Variants in STARD9 observed in about 807,000 individuals in gnomAD.
The protein encoded by STARD9 is stAR-related lipid transfer protein 9.
A neutral mutation model predicts 399.8 loss-of-function variants in STARD9; 346 were observed. The ratio of observed to expected loss-of-function variants is 0.87; its 90% CI spans 0.79 to 0.95. The LOEUF (loss-of-function observed/expected upper bound fraction) is 0.95. Among genes scored for constraint, STARD9 ranks in the 40% least tolerant of loss-of-function variants. STARD9 has a pLI of 0.00. For missense variants in STARD9, 5,832 were observed against 5,667.5 expected (o/e 1.03, Z -0.93); for synonymous variants, 2,203 against 2,143.5 (o/e 1.03, Z -0.77).
Position 42,693,682 on chromosome 15 carries a change from A to G in STARD9, c.12104A>G (p.Lys4035Arg), listed in dbSNP as rs1173175946. Residue 4035 changes from lysine (K) to arginine (R), a missense_variant, in exon 23 of 33, where the codon AAG (lysine) becomes AGG (arginine). Lys to Arg is a conservative substitution (Grantham distance 26). Around this residue, in one of 2 missense-constraint regions of STARD9, gnomAD observed 5,828 missense variants for 5,651.1 expected, o/e 1.03. Coordinates refer to ENST00000290607, the MANE Select transcript of STARD9 (RefSeq NM_020759.3). ...QRLGNSFVPE[K>R]VASPEHCPLS... ...CTGGGCAACAGCTTTGTGCCTGAGA[A>G]GGTGGCTTCCCCGGAGCATTGCCCA... The G allele has an allele frequency of 2.0e-6, 3 of 1,537,102 alleles. No homozygotes were observed. The highest frequency in any genetic ancestry group is 2.0e-5 in the Admixed American group (1 of 50,988).
At chr15:42,585,266 C>G (rs2058252478) in intron 2 of STARD9, among the ~76,000 whole-genome samples, 1 of 152,186 alleles carries the variant, frequency 6.6e-6, no homozygotes, top group Non-Finnish European at 1.5e-5. Flanking sequence ...CTCTCCCAAG[C>G]TTTACCACAT....
Position 42,687,271 on chromosome 15 carries a change from C to A in STARD9, c.5693C>A (p.Ser1898Tyr). The A allele has an allele frequency of 6.5e-7, 1 of 1,536,810 alleles. No individual in the cohort carries two copies. Among genetic ancestry groups the A allele is most frequent in the East Asian group, 2.4e-5 (1 of 40,920 alleles). ...EVTAQSCCGA[S>Y]SDSTESGKSL... Reference sequence around the variant, plus strand: ...ACTGCTCAGTCCTGTTGCGGTGCTTCCTCAGACAGCACTGAGTCTGGGAAG... The same window carrying A: ...ACTGCTCAGTCCTGTTGCGGTGCTTACTCAGACAGCACTGAGTCTGGGAAG... The change falls in exon 23 of 33, where the codon TCC (serine) becomes TAC (tyrosine). Residue 1898 changes from serine to tyrosine, a missense_variant. By Grantham distance (144) the Ser-to-Tyr change is moderately radical. This residue lies in a region of STARD9 where 5,828 missense variants were observed against 5,651.1 expected (regional missense o/e 1.03). Coordinates refer to ENST00000290607, the MANE Select transcript of STARD9 (RefSeq NM_020759.3).
rs2060743658 is a variant in STARD9 at position 42,692,795 on chromosome 15, C to G, written c.11217C>G (p.Asp3739Glu). The change falls in exon 23 of 33, where the codon GAC (aspartate) becomes GAG (glutamate). Residue 3739 changes from aspartate to glutamate, a missense_variant. Asp to Glu is a conservative substitution (Grantham distance 45). This residue lies in a region of STARD9 where 5,828 missense variants were observed against 5,651.1 expected (regional missense o/e 1.03). Coordinates refer to ENST00000290607, the MANE Select transcript of STARD9 (RefSeq NM_020759.3). ...CTGTGGATGAGGGCAGCCAGACTGACCTCACCTTACCCACCCTGTGCCTCC... is the reference window on the plus strand; with the variant it reads ...CTGTGGATGAGGGCAGCCAGACTGAGCTCACCTTACCCACCCTGTGCCTCC... ...QTTVDEGSQT[D>E]LTLPTLCLQT... The G allele has an allele frequency of 2.0e-6, 3 of 1,537,078 alleles. No individual in the cohort carries two copies. The highest frequency in any genetic ancestry group is 2.6e-6 in the Non-Finnish European group (3 of 1,146,914).
At chr15:42,668,999 T>C (rs988859241) in intron 15 of STARD9, among the ~76,000 whole-genome samples, 159 bp from the exon 16 acceptor site, 1 of 152,106 alleles carries the variant, frequency 6.6e-6, no homozygotes, top group Non-Finnish European at 1.5e-5. Context: ...CAGCTTGCAG[T>C]TGGAGGAGGT....
Position 42,663,336 on chromosome 15 carries a change from T to C in STARD9, c.924T>C (p.Asn308=). The C allele has an allele frequency of 6.5e-7, 1 of 1,537,328 alleles. No homozygotes were observed. The highest frequency in any genetic ancestry group is 1.2e-5 in the South Asian group (1 of 84,062). The part of the protein sequence containing the change: ...SCQSLNSSVS[N]GGDSGILSSP... ...AGAGCCTCAACAGCTCAGTCAGCAATGGTGGTGACAGTGGGATCCTTAGCT... is the reference window on the plus strand; with the variant it reads ...AGAGCCTCAACAGCTCAGTCAGCAACGGTGGTGACAGTGGGATCCTTAGCT... Residue 308 remains asparagine, a synonymous_variant, in exon 12 of 33, where the codon AAT becomes AAC. Transcript: ENST00000290607.
chr15:42,648,518 G>T (rs2059690673), intron 7 of STARD9, among the ~76,000 whole-genome samples: 2 of 152,248 alleles, frequency 1.3e-5, no homozygotes, highest in South Asian at 2.1e-4. Context: ...TAAATTGATG[G>T]TTATTTTCTT....
rs768679642 is a variant in STARD9 at position 42,694,039 on chromosome 15, G to A, written c.12461G>A (p.Gly4154Glu). The A allele has an allele frequency of 1.4e-5, 21 of 1,534,974 alleles. 1 individual carries two copies. The South Asian group carries it at 2.5e-4, about 18-fold the overall frequency. ...TGTGGGGTTCAGAAGGGCTCACCTG[G>A]GGGGTTGGACATGACTGAGGAGGAG... is the stretch of plus-strand genomic sequence containing the variant. ...NWCGVQKGSP[G>E]GLDMTEEELG... Residue 4154 changes from glycine (G) to glutamate (E), a missense_variant, in exon 23 of 33, where the codon GGG becomes GAG. Physicochemically the swap from Gly to Glu is moderately conservative, Grantham distance 98. Around this residue, in one of 2 missense-constraint regions of STARD9, gnomAD observed 5,828 missense variants for 5,651.1 expected, o/e 1.03. Coordinates refer to ENST00000290607, the MANE Select transcript of STARD9 (RefSeq NM_020759.3).
Position 42,685,639 on chromosome 15 carries a change from T to A in STARD9, c.4061T>A (p.Val1354Glu). The A allele has an allele frequency of 6.5e-7, 1 of 1,537,220 alleles. No homozygotes were observed. The highest frequency in any genetic ancestry group is 8.7e-7 in the Non-Finnish European group (1 of 1,146,928). The change falls in exon 23 of 33, where the codon GTG becomes GAG. Residue 1354 changes from valine (V) to glutamate (E), a missense_variant. Val to Glu is a moderately radical substitution (Grantham distance 121). Around this residue, in one of 2 missense-constraint regions of STARD9, gnomAD observed 5,828 missense variants for 5,651.1 expected, o/e 1.03. Coordinates refer to ENST00000290607, the MANE Select transcript of STARD9 (RefSeq NM_020759.3). ...KINPSSPPGI[V>E]GSLCPSPDMQ... ...AACCCCAGCAGCCCCCCAGGAATAG[T>A]GGGTTCTTTATGTCCAAGTCCTGAT...
chr15:42,614,198 T>C (rs553651814), intron 3 of STARD9, among the ~76,000 whole-genome samples: 6 of 148,778 alleles, frequency 4.0e-5, no homozygotes, highest in African/African-American at 1.2e-4. Flanking sequence ...GTACTCCCAA[T>C]TACTTGGGAG....
At chr15:42,590,535 A>G (rs1313047441) in intron 3 of STARD9, among the ~76,000 whole-genome samples, 1 of 152,204 alleles carries the variant, frequency 6.6e-6, no homozygotes, top group Non-Finnish European at 1.5e-5. Flanking sequence ...ATTCAGAGGT[A>G]GATGTTGACA....
intron 3 of STARD9, among the ~76,000 whole-genome samples, chr15:42,599,488 T>C (rs1391431904): frequency 6.6e-6 from 1 of 152,224 alleles, no homozygotes; most frequent in Non-Finnish European, 1.5e-5. Context: ...CTCCAGTTTC[T>C]ATCGTACAAA....
At chr15:42,626,318 T>TTCTTCCTCCTCTTCC (rs1566884670) in intron 3 of STARD9, among the ~76,000 whole-genome samples, 2 of 145,482 alleles carry the variant, frequency 1.4e-5, no homozygotes, top group Admixed American at 6.7e-5. Flanking sequence ...CCTCTTCCTC[T>TTCTTCCTCCTCTTCC]TCTTCCTCCT....
In STARD9 at chr15:42,687,757, G is replaced by A. The variant is rs547938509; in HGVS notation, c.6179G>A (p.Gly2060Asp). Residue 2060 changes from glycine to aspartate, a missense_variant, in exon 23 of 33, where the codon GGC (glycine) becomes GAC (aspartate). Gly to Asp is a moderately conservative substitution (Grantham distance 94). Around this residue, in one of 2 missense-constraint regions of STARD9, gnomAD observed 5,828 missense variants for 5,651.1 expected, o/e 1.03. Coordinates refer to ENST00000290607, the MANE Select transcript of STARD9 (RefSeq NM_020759.3). Reference sequence around the variant, plus strand: ...AGGAGTGTAATGCAGCTGGAAAATGGCATCTTAGAAATTGAATCTAAGCAG... The same window carrying A: ...AGGAGTGTAATGCAGCTGGAAAATGACATCTTAGAAATTGAATCTAAGCAG... The part of the protein sequence containing the change: ...LIRSVMQLEN[G>D]ILEIESKQNK... The A allele has an allele frequency of 1.0e-5, 16 of 1,537,490 alleles. No homozygotes were observed. The African/African-American group carries it at 1.9e-4, about 18-fold the overall frequency.
intron 3 of STARD9, among the ~76,000 whole-genome samples, chr15:42,601,780 G>A (rs2058636250): frequency 6.6e-6 from 1 of 152,258 alleles, no homozygotes; most frequent in African/African-American, 2.4e-5. Flanking sequence ...ATTAAGTCTA[G>A]CGTCAGCAGA....
intron 9 of STARD9, among the ~76,000 whole-genome samples, chr15:42,659,895 A>G (rs538121469): frequency 6.6e-6 from 1 of 152,308 alleles, no homozygotes; most frequent in East Asian, 1.9e-4. Flanking sequence ...TCCAAGAGCA[A>G]TGTCCACAGA....
In STARD9 at chr15:42,685,041, A is replaced by C; in HGVS notation, c.3463A>C (p.Arg1155=). The part of the protein sequence containing the change: ...QLSEDSLAEK[R]YQSPKNRLGG... Reference sequence around the variant, plus strand: ...ATCTGAGGACTCACTGGCTGAGAAGAGGTACCAAAGCCCCAAAAACAGGCT... The same window carrying C: ...ATCTGAGGACTCACTGGCTGAGAAGCGGTACCAAAGCCCCAAAAACAGGCT... Residue 1155 remains arginine, a synonymous_variant, in exon 23 of 33, where the codon AGG becomes CGG. Coordinates refer to ENST00000290607, the MANE Select transcript of STARD9 (RefSeq NM_020759.3). 1 of 1,537,250 alleles carries C rather than the reference A, an allele frequency of 6.5e-7. No individual in the cohort carries two copies.
chr15:42,689,227 C>A lies in STARD9; in HGVS notation c.7649C>A (p.Ala2550Asp). The stretch of plus-strand genomic sequence containing the variant: ...TCTGACCATGCATCCATGTGCCTGG[C>A]CATCTTGGAGGAGATCAGACAGGCA... Reference protein sequence around the residue: ...EPSDHASMCLAILEEIRQAKA... With the variant: ...EPSDHASMCLDILEEIRQAKA... The change falls in exon 23 of 33, where the codon GCC becomes GAC. Residue 2550 changes from alanine (A) to aspartate (D), a missense_variant. This residue lies in a region of STARD9 where 5,828 missense variants were observed against 5,651.1 expected (regional missense o/e 1.03). Transcript: ENST00000290607. 2 of 1,537,246 alleles carry A rather than the reference C, an allele frequency of 1.3e-6. No individual in the cohort carries two copies. Among genetic ancestry groups the A allele is most frequent in the Non-Finnish European group, 1.7e-6 (2 of 1,146,914 alleles).
chr15:42,634,526 C>T (rs1044794162), intron 3 of STARD9, among the ~76,000 whole-genome samples: 6 of 152,150 alleles, frequency 3.9e-5, no homozygotes, highest in African/African-American at 4.8e-5. Context: ...TGTTTTCTTA[C>T]GAGAGATACA....
At chr15:42,585,811 A>G (rs2058266029) in intron 3 of STARD9, among the ~76,000 whole-genome samples, 174 bp downstream of exon 3, 1 of 152,270 alleles carries the variant, frequency 6.6e-6, no homozygotes, top group Non-Finnish European at 1.5e-5. Flanking sequence ...TTCAAAAAGA[A>G]GAAACTTCAA....
Sources: gnomAD v4.1 joint callset for allele counts (sites outside exome capture counted in the v4.1 genomes callset) on GRCh38, gnomAD v4.1.1 for gene constraint, gnomAD v4.1.1 regional missense constraint, MANE v1.5 for transcripts, NCBI Gene and HGNC (gene_info 2026-07-23, HGNC 2026-07-21) for gene names.